The following KLF12 variants were observed in gnomAD, a reference collection of about 807,000 sequenced individuals.
KLF12 encodes Krueppel-like factor 12.
Under a neutral mutation model 37.8 loss-of-function variants are expected in KLF12, and 9 were observed. That is an observed-to-expected ratio of 0.24 (90% CI 0.14 to 0.42). The LOEUF (loss-of-function observed/expected upper bound fraction) is 0.42, where lower values mean the gene tolerates loss of function less well. Among genes scored for constraint, KLF12 ranks in the 10% least tolerant of loss-of-function variants. KLF12 has a pLI of 1.00. For missense variants in KLF12, 411 were observed against 516.0 expected, an observed-to-expected ratio of 0.80 and a Z score of 1.97; for synonymous variants, 208 against 202.1, an observed-to-expected ratio of 1.03 and a Z score of -0.25.
intron 1 of KLF12, among the ~76,000 whole-genome samples, chr13:74,102,472 C>T (rs1487473149): frequency 2.0e-5 from 3 of 151,696 alleles, no homozygotes; most frequent in African/African-American, 7.3e-5. Flanking sequence ...CTGAGGCGAG[C>T]GGATCACCTG....
rs773075722 is a variant in KLF12, at chr13:73,938,656, T to G, written c.123+5325A>C. Among the ~76,000 whole-genome samples, 47 of 152,322 alleles carry G rather than the reference T, an allele frequency of 3.1e-4. 1 individual carries two copies. Among genetic ancestry groups the G allele is most frequent in the Non-Finnish European group, 1.2e-4 (8 of 68,028 alleles). On this transcript the variant is annotated intron_variant, in intron 3 of 7. Coordinates refer to ENST00000377669, the MANE Select transcript of KLF12 (RefSeq NM_007249.5). ...ATTACAGCTGACTTCATGATGCTAGTCAGCTCTTGGTGATATAGGAATAGC... is the reference window on the plus strand; with the variant it reads ...ATTACAGCTGACTTCATGATGCTAGGCAGCTCTTGGTGATATAGGAATAGC...
the KLF12 span, among the ~76,000 whole-genome samples, chr13:74,253,218 A>G: frequency 3.9e-5 from 6 of 152,186 alleles, no homozygotes; most frequent in Non-Finnish European, 8.8e-5. Context: ...CAACATTTTT[A>G]AAAAGTATAG....
intron 1 of KLF12, among the ~76,000 whole-genome samples, chr13:74,090,123 C>G (rs1480617337): frequency 6.6e-6 from 1 of 151,852 alleles, no homozygotes; most frequent in African/African-American, 2.4e-5. Context: ...ATACAAAAAT[C>G]AATACACCTT....
At chr13:74,071,668 G>A (rs890365407) in intron 1 of KLF12, among the ~76,000 whole-genome samples, 14 of 152,196 alleles carry the variant, frequency 9.2e-5, no homozygotes. Context: ...ACTCCAGCCT[G>A]GGCGACAGAG....
chr13:73,727,086 T>G (rs1305478154), intron 6 of KLF12, among the ~76,000 whole-genome samples: 1 of 152,090 alleles, frequency 6.6e-6, no homozygotes, highest in Non-Finnish European at 1.5e-5. Flanking sequence ...GTATACCTTC[T>G]CTGGAGAAAT....
intron 1 of KLF12, among the ~76,000 whole-genome samples, chr13:74,117,985 C>A (rs1355853536): frequency 6.6e-6 from 1 of 151,302 alleles, no homozygotes; most frequent in African/African-American, 2.5e-5. Flanking sequence ...CCAGTGAGAT[C>A]CAAACAACAA....
intron 1 of KLF12, among the ~76,000 whole-genome samples, chr13:74,104,508 C>A (rs1198311957): frequency 2.6e-5 from 4 of 152,180 alleles, no homozygotes; most frequent in African/African-American, 9.6e-5. Context: ...TGTGACTGTT[C>A]ACTGTATTTT....
chr13:74,204,742 C>T, the KLF12 span, among the ~76,000 whole-genome samples: 1 of 152,190 alleles, frequency 6.6e-6, no homozygotes, highest in Admixed American at 6.6e-5. Flanking sequence ...ATTCAGAGAC[C>T]TCAGTTTCTG....
chr13:74,168,356 T>C, the KLF12 span, among the ~76,000 whole-genome samples: 28 of 152,352 alleles, frequency 1.8e-4, no homozygotes, highest in African/African-American at 5.3e-4. Flanking sequence ...CCATGTCTTA[T>C]CTCCCTCTCC....
the KLF12 span, among the ~76,000 whole-genome samples, chr13:74,189,490 C>T: frequency 6.6e-6 from 1 of 152,188 alleles, no homozygotes; most frequent in Non-Finnish European, 1.5e-5. Flanking sequence ...ATTCAACAGC[C>T]CCCATGATCA....
intron 7 of KLF12, among the ~76,000 whole-genome samples, chr13:73,707,911 G>A (rs1875068832): frequency 6.6e-6 from 1 of 152,094 alleles, no homozygotes; most frequent in South Asian, 2.1e-4. Flanking sequence ...GACAGAATCT[G>A]CAATCATTTA....
intron 1 of KLF12, among the ~76,000 whole-genome samples, chr13:74,119,255 T>G (rs1182906604): frequency 6.6e-6 from 1 of 151,572 alleles, no homozygotes; most frequent in Non-Finnish European, 1.5e-5. Flanking sequence ...TCACTTGAAC[T>G]TGGGAGGCGG....
intron 4 of KLF12, among the ~76,000 whole-genome samples, chr13:73,838,758 T>C (rs933007889): frequency 6.6e-6 from 1 of 152,214 alleles, no homozygotes; most frequent in Admixed American, 6.5e-5. Flanking sequence ...ATCTATTTTA[T>C]TACCGTCATC....
At chr13:73,895,648 G>C (rs1234090387) in intron 3 of KLF12, among the ~76,000 whole-genome samples, 1 of 152,092 alleles carries the variant, frequency 6.6e-6, no homozygotes, top group African/African-American at 2.4e-5. Flanking sequence ...GGCACAGGAG[G>C]AAGGTCAAGG....
At chr13:73,885,162 T>A (rs749624256) in intron 3 of KLF12, among the ~76,000 whole-genome samples, 2 of 152,234 alleles carry the variant, frequency 1.3e-5, no homozygotes, top group African/African-American at 2.4e-5. Context: ...GTATTTGAAA[T>A]CTTCACTTAG....
intron 1 of KLF12, among the ~76,000 whole-genome samples, chr13:74,096,977 G>A (rs560426726): frequency 6.6e-6 from 1 of 152,104 alleles, no homozygotes. Flanking sequence ...ACACTTCCAA[G>A]TTCAAATTCC....
chr13:74,228,714 A>C, the KLF12 span, among the ~76,000 whole-genome samples: 4 of 152,160 alleles, frequency 2.6e-5, no homozygotes, highest in Non-Finnish European at 5.9e-5. Context: ...ACGATGGGAC[A>C]GAATACTTGA....
At chr13:74,208,249 A>G in the KLF12 span, among the ~76,000 whole-genome samples, 3 of 152,334 alleles carry the variant, frequency 2.0e-5, no homozygotes, top group East Asian at 5.8e-4. Context: ...TCTCTGTGAA[A>G]TCTGTCTAAC....
chr13:74,041,153 C>A (rs567744484), intron 1 of KLF12, among the ~76,000 whole-genome samples: 1 of 152,312 alleles, frequency 6.6e-6, no homozygotes, highest in South Asian at 2.1e-4. Flanking sequence ...GCTCACATCA[C>A]TCCTTCCACC....
Sources: allele counts gnomAD v4.1 joint callset (sites outside exome capture counted in the v4.1 genomes callset), GRCh38; gene constraint gnomAD v4.1.1; transcripts MANE v1.5; gene names NCBI Gene and HGNC (gene_info 2026-07-23, HGNC 2026-07-21).